TMED2: variants seen among roughly 807,000 people sequenced by gnomAD.
TMED2 encodes transmembrane emp24 domain-containing protein 2.
TMED2 carries 3 observed loss-of-function variants against 17.5 expected under a neutral mutation model. The observed-to-expected ratio is 0.17, with a 90% CI of 0.08 to 0.44. The LOEUF (loss-of-function observed/expected upper bound fraction) is 0.44. TMED2 is among the 20% of genes least tolerant of loss of function. The pLI, the probability that TMED2 is intolerant of heterozygous loss-of-function variation, is 0.99. For missense variants in TMED2, 149 were observed against 254.8 expected (o/e 0.58, Z 2.83); for synonymous variants, 95 against 91.0 (o/e 1.04, Z -0.25).
At chr12:123,585,845 T>C (rs1440112293) in intron 1 of TMED2, 1 of 152,240 alleles carries the variant, frequency 6.6e-6, no homozygotes, top group Non-Finnish European at 1.5e-5. Context: ...CCCCTAAGCC[T>C]TCAGGCATCT....
intron 1 of TMED2, 90 bp from the exon 2 acceptor site, chr12:123,586,657 T>C: frequency 7.5e-7 from 1 of 1,337,620 alleles, no homozygotes; most frequent in Non-Finnish European, 1.0e-6. Context: ...GCCATATTCT[T>C]GGTGAATTTC....
At position 123,588,889 on chromosome 12, in the gene TMED2, G is replaced by A. The variant is rs1593638148; in HGVS notation, c.374-1453G>A. ...ATGTGGTGCATGGGGCTTCCAAAGG[G>A]AAATTTCGAGTGAGGGACGGTTTGA... On this transcript the variant is annotated intron_variant, in intron 2 of 3. Coordinates refer to ENST00000262225, the MANE Select transcript of TMED2 (RefSeq NM_006815.4). 4.6e-5 allele frequency among the ~76,000 whole-genome samples: 7 copies of A among 152,312 alleles called. No individual in the cohort carries two copies. In the South Asian group the frequency reaches 1.4e-3, roughly 32 times the overall value.
intron 2 of TMED2, among the ~76,000 whole-genome samples, chr12:123,589,663 C>T (rs1953377133): frequency 6.6e-6 from 1 of 152,136 alleles, no homozygotes; most frequent in African/African-American, 2.4e-5. Context: ...TGATTCATAT[C>T]AGTAGTCCAA....
intron 2 of TMED2, chr12:123,587,611 G>T (rs1044886707): frequency 7.8e-7 from 1 of 1,278,992 alleles, no homozygotes; most frequent in South Asian, 1.3e-5. Context: ...TTTTCTTTAG[G>T]TGGTGGAGAT....
chr12:123,596,715 C>T lies in TMED2; in HGVS notation c.592C>T (p.Arg198Trp), dbSNP rs1953433422. The T allele has an allele frequency of 1.9e-6, 3 of 1,606,496 alleles. No individual in the cohort carries two copies. Among genetic ancestry groups the T allele is most frequent in the Non-Finnish European group, 2.5e-6 (3 of 1,177,368 alleles). Residue 198 changes from arginine (R) to tryptophan (W), a missense_variant, in exon 4 of 4, where the codon CGG becomes TGG. Coordinates refer to ENST00000262225, the MANE Select transcript of TMED2 (RefSeq NM_006815.4). ...CTACCTGAAGAGATTTTTTGAAGTC[C>T]GGAGAGTTGTTTAAAAAGCCTCTTC... Reference protein sequence around the residue: ...IYYLKRFFEVRRVV With the variant: ...IYYLKRFFEVWRVV
intron 3 of TMED2, among the ~76,000 whole-genome samples, chr12:123,595,439 C>A (rs985158705): frequency 6.6e-6 from 1 of 152,068 alleles, no homozygotes; most frequent in African/African-American, 2.4e-5. Flanking sequence ...CCATTGAGAA[C>A]AATTGACAAG....
intron 3 of TMED2, among the ~76,000 whole-genome samples, chr12:123,596,239 TA>T (rs1422208000): frequency 1.3e-5 from 2 of 152,142 alleles, no homozygotes; most frequent in Admixed American, 1.3e-4. Context: ...AAATAGAAAA[TA>T]ATAATAAAAT....
At chr12:123,588,294 G>A (rs901642121) in intron 2 of TMED2, among the ~76,000 whole-genome samples, 2 of 151,912 alleles carry the variant, frequency 1.3e-5, no homozygotes, top group African/African-American at 4.8e-5. Context: ...ATTTCTCCCA[G>A]ATATTCAGTA....
At chr12:123,585,190 C>T (rs986736979) in intron 1 of TMED2, 12 of 200,144 alleles carry the variant, frequency 6.0e-5, no homozygotes, top group Non-Finnish European at 1.1e-4. Context: ...GGTCTCTATC[C>T]AGTTAGCACC....
chr12:123,593,962 A>ATT (rs764283197), intron 3 of TMED2, among the ~76,000 whole-genome samples: 15,515 of 136,740 alleles, frequency 0.11, 1,175 homozygotes, highest in African/African-American at 0.21. Flanking sequence ...CACCTGGCTA[A>ATT]TTTTTTTTTT....
intron 2 of TMED2, chr12:123,587,502 T>G (rs1953359300): frequency 1.2e-6 from 1 of 810,580 alleles, no homozygotes; most frequent in Admixed American, 4.6e-5. Flanking sequence ...TTTTTCTGTT[T>G]ATTTGCTAAT....
At chr12:123,588,511 A>G (rs1953368367) in intron 2 of TMED2, among the ~76,000 whole-genome samples, 1 of 152,186 alleles carries the variant, frequency 6.6e-6, no homozygotes, top group Non-Finnish European at 1.5e-5. Flanking sequence ...CTACTTAAAT[A>G]GTTTGAAAAT....
At chr12:123,587,173 G>T (rs973680738) in intron 2 of TMED2, among the ~76,000 whole-genome samples, 1 of 151,880 alleles carries the variant, frequency 6.6e-6, no homozygotes, top group Non-Finnish European at 1.5e-5. Context: ...TTAAGATTGT[G>T]TCTCGCTCTT....
rs869296047 is a variant in TMED2, at chr12:123,584,565, GGC to G, written c.-70_-69del. The G allele has an allele frequency of 2.8e-3, 19 of 6,816 alleles. No homozygotes were observed. Among genetic ancestry groups the G allele is most frequent in the Admixed American group, 9.3e-3 (1 of 108 alleles). 0.4% of individuals were successfully genotyped at this position (6,816 alleles called of 1,614,324 possible). A position where few individuals can be genotyped will look rare whatever the true frequency, so the allele number is the denominator to read the frequency against. On this transcript the variant is annotated 5_prime_UTR_variant, in exon 1 of 4. Transcript: ENST00000262225. ...GCGGCGGTGGCTGAGAAGGCAGCGGGGCGGCGGCGGCGGCGGCGGCGGCGGCT... is the reference window on the plus strand; with the variant it reads ...GCGGCGGTGGCTGAGAAGGCAGCGGGGGCGGCGGCGGCGGCGGCGGCGGCT...
Position 123,596,734 on chromosome 12 carries a change from C to G in TMED2, c.*5C>G, listed in dbSNP as rs928948037. 2 of 1,600,506 alleles carry G rather than the reference C, an allele frequency of 1.2e-6. No homozygotes were observed. Among genetic ancestry groups the G allele is most frequent in the Non-Finnish European group, 1.7e-6 (2 of 1,174,996 alleles). On this transcript the variant is annotated 3_prime_UTR_variant, in exon 4 of 4. Transcript: ENST00000262225. ...GAAGTCCGGAGAGTTGTTTAAAAAGCCTCTTCCTGATGATCCCAACTCAGA... is the reference window on the plus strand; with the variant it reads ...GAAGTCCGGAGAGTTGTTTAAAAAGGCTCTTCCTGATGATCCCAACTCAGA...
intron 3 of TMED2, among the ~76,000 whole-genome samples, chr12:123,592,513 G>A (rs962560189): frequency 5.9e-5 from 9 of 152,178 alleles, no homozygotes; most frequent in Non-Finnish European, 1.5e-5. Flanking sequence ...TCCTGTATTT[G>A]TTTCACAAAT....
At chr12:123,587,254 C>G (rs1425291225) in intron 2 of TMED2, among the ~76,000 whole-genome samples, 1 of 152,086 alleles carries the variant, frequency 6.6e-6, no homozygotes, top group African/African-American at 2.4e-5. Flanking sequence ...TCAAGCGATT[C>G]TCCCAAGTAG....
At chr12:123,587,464 C>A in intron 2 of TMED2, 1 of 393,170 alleles carries the variant, frequency 2.5e-6, no homozygotes, top group Non-Finnish European at 3.9e-6. Flanking sequence ...CTCTTGTGAG[C>A]ATGTAGGTTC....
In TMED2 at chr12:123,590,089, C is replaced by A. The variant is rs1439678880; in HGVS notation, c.374-253C>A. On this transcript the variant is annotated intron_variant, in intron 2 of 3. Transcript: ENST00000262225. Reference sequence around the variant, plus strand: ...CCTGAGGTCAGGAGTTCAAGACCAGCCTGACCAACATGGTGAAACCCCGTC... The same window carrying A: ...CCTGAGGTCAGGAGTTCAAGACCAGACTGACCAACATGGTGAAACCCCGTC... Among the ~76,000 whole-genome samples the A allele has an allele frequency of 2.0e-5, 3 of 151,828 alleles. 1 individual carries two copies. The highest frequency in any genetic ancestry group is 4.4e-5 in the Non-Finnish European group (3 of 67,978).
Sources: allele counts gnomAD v4.1 joint callset (sites outside exome capture counted in the v4.1 genomes callset), GRCh38; gene constraint gnomAD v4.1.1; transcripts MANE v1.5; gene names NCBI Gene and HGNC (gene_info 2026-07-23, HGNC 2026-07-21).